Variants in PTPRN2 observed in about 807,000 individuals in gnomAD.
The protein encoded by PTPRN2 is protein tyrosine phosphatase receptor type N2, also known as receptor-type tyrosine-protein phosphatase N2.
PTPRN2 carries 74 observed loss-of-function variants against 118.8 expected under a neutral mutation model. The ratio of observed to expected loss-of-function variants is 0.62; its 90% confidence interval spans 0.52 to 0.76. The LOEUF (loss-of-function observed/expected upper bound fraction) is 0.76. PTPRN2 is among the 30% of genes least tolerant of loss of function. The pLI is 0.00. For missense variants in PTPRN2, 1,481 were observed against 1,394.4 expected (o/e 1.06, Z -0.99); for synonymous variants, 641 against 608.0 (o/e 1.05, Z -0.80).
intron 10 of PTPRN2, among the ~76,000 whole-genome samples, chr7:158,107,334 C>G (rs1815766543): frequency 6.6e-6 from 1 of 152,144 alleles, no homozygotes; most frequent in Non-Finnish European, 1.5e-5. Flanking sequence ...CTCAAACCCT[C>G]CCCCCTCCTA....
At chr7:157,967,209 G>C (rs1802008725) in intron 11 of PTPRN2, among the ~76,000 whole-genome samples, 1 of 152,188 alleles carries the variant, frequency 6.6e-6, no homozygotes, top group Non-Finnish European at 1.5e-5. Flanking sequence ...TACAGTCCCA[G>C]CTACTTGGGA....
At chr7:158,334,405 G>T (rs1468997778) in intron 2 of PTPRN2, among the ~76,000 whole-genome samples, 9 of 34,986 alleles carry the variant, frequency 2.6e-4, no homozygotes, top group East Asian at 6.8e-4. Context: ...CTCACCATAA[G>T]AGGTGAAACC....
chr7:157,786,172 C>T (rs958269525), intron 12 of PTPRN2, among the ~76,000 whole-genome samples: 1 of 152,210 alleles, frequency 6.6e-6, no homozygotes, highest in African/African-American at 2.4e-5. Flanking sequence ...TCTCCCTGCT[C>T]ACACAAACCA....
At chr7:158,580,843 C>T (rs1828590878) in intron 1 of PTPRN2, among the ~76,000 whole-genome samples, 1 of 152,126 alleles carries the variant, frequency 6.6e-6, no homozygotes, top group African/African-American at 2.4e-5. Context: ...CTAAGGGTGG[C>T]ATTTTCATTC....
chr7:158,250,701 G>A (rs1169603218), intron 3 of PTPRN2, among the ~76,000 whole-genome samples: 4 of 152,156 alleles, frequency 2.6e-5, no homozygotes, highest in Admixed American at 6.5e-5. Context: ...GTTTTTTGAC[G>A]TGATGCAAAA....
At chr7:157,735,034 G>A (rs1800217804) in intron 12 of PTPRN2, among the ~76,000 whole-genome samples, 1 of 152,268 alleles carries the variant, frequency 6.6e-6, no homozygotes. Flanking sequence ...ACTGCAGCAG[G>A]ACGGTTAGTG....
intron 12 of PTPRN2, among the ~76,000 whole-genome samples, chr7:157,846,154 C>T (rs912386805): frequency 6.6e-6 from 1 of 152,116 alleles, no homozygotes; most frequent in Non-Finnish European, 1.5e-5. Context: ...GGGTCTGCGT[C>T]CAGCCAGGCA....
In PTPRN2 at chr7:157,690,919, C is replaced by T. The variant is rs1216889121; in HGVS notation, c.1789-7982G>A. ...GGGCGCGGCGCGGGCGGGCTCAGGG[C>T]GGGCTCCGGACGGTCCCGGTAGGGC... is the stretch of plus-strand genomic sequence containing the variant. On this transcript the variant is annotated intron_variant, in intron 12 of 22. Coordinates refer to ENST00000389418, the MANE Select transcript of PTPRN2 (RefSeq NM_002847.5). This position sits in a 1 kb window ranked among gnomAD's most constrained non-coding sequence, Gnocchi z 7.1. 6.9e-6 allele frequency among the ~76,000 whole-genome samples: 1 copy of T among 145,900 alleles called. No homozygotes were observed. Among genetic ancestry groups the T allele is most frequent in the Non-Finnish European group, 1.5e-5 (1 of 65,606 alleles).
At chr7:157,935,781 C>T (rs780971600) in intron 11 of PTPRN2, among the ~76,000 whole-genome samples, 1 of 151,242 alleles carries the variant, frequency 6.6e-6, no homozygotes, top group Non-Finnish European at 1.5e-5. Flanking sequence ...ATCTGTGTCA[C>T]TCCCTCAGGG....
At chr7:158,274,356 A>AGGGGGAG (rs1798799497) in intron 3 of PTPRN2, among the ~76,000 whole-genome samples, 1 of 58,858 alleles carries the variant, frequency 1.7e-5, no homozygotes. Context: ...AGCCACAGAC[A>AGGGGGAG]CAGGGGGAGC....
At chr7:158,189,151 T>C (rs77544476) in intron 5 of PTPRN2, among the ~76,000 whole-genome samples, 292 of 152,286 alleles carry the variant, frequency 1.9e-3, no homozygotes, top group African/African-American at 6.8e-3. Flanking sequence ...TTCCTGCAAT[T>C]TGCTACGGTT....
At chr7:157,599,356 G>T (rs1801531685) in intron 16 of PTPRN2, among the ~76,000 whole-genome samples, 1 of 152,184 alleles carries the variant, frequency 6.6e-6, no homozygotes, top group Non-Finnish European at 1.5e-5. Context: ...TGTTGACTCT[G>T]TTATCCCTTG....
chr7:157,866,379 C>G (rs1395556964), intron 12 of PTPRN2, among the ~76,000 whole-genome samples: 2 of 152,134 alleles, frequency 1.3e-5, no homozygotes, highest in African/African-American at 4.8e-5. Context: ...TACACATGAG[C>G]ACACACACGT....
At chr7:158,173,199 C>T (rs1213692698) in intron 5 of PTPRN2, among the ~76,000 whole-genome samples, 5 of 152,172 alleles carry the variant, frequency 3.3e-5, no homozygotes, top group African/African-American at 1.2e-4. Flanking sequence ...CATCATCCCA[C>T]CATCAATAGC....
chr7:157,885,014 G>T (rs182451823), intron 12 of PTPRN2, among the ~76,000 whole-genome samples: 1 of 152,094 alleles, frequency 6.6e-6, no homozygotes, highest in African/African-American at 2.4e-5. Flanking sequence ...AATCCACTTC[G>T]GCTTGTTTAT....
chr7:158,075,533 C>T (rs1812280288), intron 11 of PTPRN2, among the ~76,000 whole-genome samples: 1 of 152,186 alleles, frequency 6.6e-6, no homozygotes, highest in Non-Finnish European at 1.5e-5. Context: ...GAGACGGGCA[C>T]TGAGCCTGCG....
chr7:157,976,188 T>G (rs560736477), intron 11 of PTPRN2, among the ~76,000 whole-genome samples: 1 of 152,232 alleles, frequency 6.6e-6, no homozygotes, highest in Admixed American at 6.5e-5. Flanking sequence ...TCCCATCGCG[T>G]TATCAGCAAA....
chr7:157,765,075 A>T (rs1802369383), intron 12 of PTPRN2, among the ~76,000 whole-genome samples: 1 of 147,746 alleles, frequency 6.8e-6, no homozygotes, highest in African/African-American at 2.5e-5. Context: ...TCATCCATGC[A>T]TCCATACCTC....
At chr7:157,969,156 C>T (rs543208630) in intron 11 of PTPRN2, among the ~76,000 whole-genome samples, 10 of 151,704 alleles carry the variant, frequency 6.6e-5, no homozygotes, top group African/African-American at 2.4e-4. Flanking sequence ...GTCACTCAGG[C>T]TGGAGTGCAA....
Sources: allele counts gnomAD v4.1 joint callset (sites outside exome capture counted in the v4.1 genomes callset), GRCh38; gene constraint gnomAD v4.1.1; non-coding constraint Gnocchi (gnomAD v3.1); transcripts MANE v1.5; gene names NCBI Gene and HGNC (gene_info 2026-07-23, HGNC 2026-07-21).